The following ERP44 variants were observed in gnomAD, a reference collection of about 807,000 sequenced individuals.
The protein encoded by ERP44 is endoplasmic reticulum resident protein 44.
A neutral mutation model predicts 53.4 loss-of-function variants in ERP44; 25 were observed. The observed-to-expected ratio is 0.47, with a 90% CI of 0.34 to 0.65. The LOEUF (loss-of-function observed/expected upper bound fraction) is 0.65. ERP44 is among the 30% of genes least tolerant of loss of function. ERP44 has a pLI of 0.01. For synonymous variants in ERP44, 145 were observed against 161.2 expected, an observed-to-expected ratio of 0.90 and a Z score of 0.76; for missense variants, 338 against 493.2, an observed-to-expected ratio of 0.69 and a Z score of 2.98.
chr9:100,076,273 C>G (rs1172072654), intron 1 of ERP44, among the ~76,000 whole-genome samples: 5 of 152,196 alleles, frequency 3.3e-5, no homozygotes, highest in Non-Finnish European at 7.3e-5. Context: ...CGATCGGGCT[C>G]AAGCAGGTCC....
intron 10 of ERP44, chr9:99,999,089 TCCCACAGCGGC>T (rs1830348184): frequency 2.9e-6 from 2 of 687,908 alleles, no homozygotes; most frequent in African/African-American, 1.8e-5. Context: ...GCACGGCCGT[TCCCACAGCGGC>T]GGGGCGTGGA....
chr9:100,069,080 T>C (rs1036592862), intron 1 of ERP44, among the ~76,000 whole-genome samples: 4 of 152,032 alleles, frequency 2.6e-5, no homozygotes, highest in Admixed American at 2.6e-4. Flanking sequence ...GTTAAACAGA[T>C]GCTTGAAGGC....
At chr9:100,051,720 T>C (rs1826039940) in intron 4 of ERP44, among the ~76,000 whole-genome samples, 1 of 152,096 alleles carries the variant, frequency 6.6e-6, no homozygotes, top group Non-Finnish European at 1.5e-5. Context: ...AGTTCAAGTA[T>C]AATGGGAACA....
intron 4 of ERP44, 45 bp downstream of exon 4, chr9:100,052,372 T>G: frequency 1.1e-6 from 1 of 943,822 alleles, no homozygotes; most frequent in Non-Finnish European, 1.5e-6. Flanking sequence ...GTGCCTGTGT[T>G]TGGGATGGGA....
intron 1 of ERP44, among the ~76,000 whole-genome samples, chr9:100,083,754 A>G (rs1183520116): frequency 6.6e-6 from 1 of 152,182 alleles, no homozygotes; most frequent in Non-Finnish European, 1.5e-5. Flanking sequence ...GCACTAATAA[A>G]AGCACTAACA....
chr9:100,065,417 C>A (rs143733519), intron 1 of ERP44, among the ~76,000 whole-genome samples: 1 of 152,018 alleles, frequency 6.6e-6, no homozygotes, highest in Non-Finnish European at 1.5e-5. Context: ...AACATATCCC[C>A]GTCATCATGC....
In ERP44 at chr9:99,980,539, C is replaced by CTTT. The variant is rs1830138133; in HGVS notation, c.*2070_*2072dup. ...TCATCCAAGCACTTGAGCTTAGTGA[C>CTTT]TTTTTATAAAATTAGGCACCAAGTC... On this transcript the variant is annotated 3_prime_UTR_variant, in exon 12 of 12. Coordinates refer to ENST00000262455, the MANE Select transcript of ERP44 (RefSeq NM_015051.3). 1 of 152,488 alleles carries CTTT rather than the reference C, an allele frequency of 6.6e-6. No individual in the cohort carries two copies. Among genetic ancestry groups the CTTT allele is most frequent in the Non-Finnish European group, 1.5e-5 (1 of 68,258 alleles). The allele number at this position is 152,488 out of a possible 1,614,324, so 9.4% of individuals were successfully genotyped here.
intron 4 of ERP44, among the ~76,000 whole-genome samples, chr9:100,041,138 A>T (rs1825896403): frequency 6.6e-6 from 1 of 152,188 alleles, no homozygotes; most frequent in Admixed American, 6.5e-5. Context: ...TCACAGAAAT[A>T]GAAAAACAAT....
chr9:99,994,354 G>A (rs1156769648), intron 10 of ERP44, among the ~76,000 whole-genome samples: 1 of 152,164 alleles, frequency 6.6e-6, no homozygotes, highest in Non-Finnish European at 1.5e-5. Flanking sequence ...CCTTTGTAGG[G>A]ATATGGATGA....
rs549738412 is a variant in ERP44, at chr9:99,998,386, C to T, written c.1016+8120G>A. Reference sequence around the variant, plus strand: ...CCCGCTTCCGCCACACGCGAGCTCCCGGATCATACAGCTGCAAGGCCGGCC... The same window carrying T: ...CCCGCTTCCGCCACACGCGAGCTCCTGGATCATACAGCTGCAAGGCCGGCC... On this transcript the variant is annotated intron_variant, in intron 10 of 11. Transcript: ENST00000262455. 8.9e-4 allele frequency: 555 copies of T among 620,408 alleles called. 3 individuals are homozygous for T. The highest frequency in any genetic ancestry group is 8.4e-3 in the African/African-American group (455 of 54,064). The allele number at this position is 620,408 out of a possible 1,614,324, so 38.4% of individuals were successfully genotyped here.
intron 5 of ERP44, 123 bp from the exon 6 acceptor site, chr9:100,020,854 A>G: frequency 1.8e-6 from 1 of 565,622 alleles, no homozygotes; most frequent in Non-Finnish European, 3.1e-6. Flanking sequence ...GTATGACTAT[A>G]AATGCATATT....
At chr9:100,006,824 A>G (rs1318231119) in intron 9 of ERP44, among the ~76,000 whole-genome samples, 177 bp from the exon 10 acceptor site, 1 of 152,232 alleles carries the variant, frequency 6.6e-6, no homozygotes, top group African/African-American at 2.4e-5. Context: ...GTAGGCTTTT[A>G]GTTCTTAGGG....
At chr9:100,038,592 C>A (rs1270751615) in intron 4 of ERP44, among the ~76,000 whole-genome samples, 3 of 151,902 alleles carry the variant, frequency 2.0e-5, no homozygotes, top group Non-Finnish European at 4.4e-5. Flanking sequence ...GAAGAGAAGA[C>A]CACAAAACAA....
At chr9:99,998,731 CTT>C (rs1340519999) in intron 10 of ERP44, 10 of 729,640 alleles carry the variant, frequency 1.4e-5, no homozygotes, top group South Asian at 9.4e-5. Flanking sequence ...TTTTGCATCT[CTT>C]TTCTTTTTTC....
intron 2 of ERP44, among the ~76,000 whole-genome samples, chr9:100,059,627 GC>G (rs1173035979): frequency 6.6e-6 from 1 of 152,140 alleles, no homozygotes; most frequent in Non-Finnish European, 1.5e-5. Context: ...GGTGGTCAAG[GC>G]TGAAGTGAGC....
intron 1 of ERP44, among the ~76,000 whole-genome samples, chr9:100,095,565 T>TA (rs1826617305): frequency 6.6e-6 from 1 of 152,190 alleles, no homozygotes; most frequent in Non-Finnish European, 1.5e-5. Flanking sequence ...TTTTGTTTAA[T>TA]TCTTACCTTT....
intron 10 of ERP44, among the ~76,000 whole-genome samples, chr9:99,988,178 T>C (rs530725714): frequency 6.6e-6 from 1 of 152,346 alleles, no homozygotes; most frequent in Non-Finnish European, 1.5e-5. Context: ...ATACTAATGA[T>C]GTTGAGCACC....
At chr9:100,017,127 CAAAAT>C (rs976277774) in intron 7 of ERP44, among the ~76,000 whole-genome samples, 1 of 152,262 alleles carries the variant, frequency 6.6e-6, no homozygotes, top group African/African-American at 2.4e-5. Context: ...TACATTAACT[CAAAAT>C]CAATTATCTA....
At chr9:100,086,179 G>A (rs1215945697) in intron 1 of ERP44, among the ~76,000 whole-genome samples, 1 of 152,130 alleles carries the variant, frequency 6.6e-6, no homozygotes, top group Non-Finnish European at 1.5e-5. Flanking sequence ...CATAACGCAT[G>A]TTTCCTCACT....
Sources: allele counts gnomAD v4.1 joint callset (sites outside exome capture counted in the v4.1 genomes callset), GRCh38; gene constraint gnomAD v4.1.1; transcripts MANE v1.5; gene names NCBI Gene and HGNC (gene_info 2026-07-23, HGNC 2026-07-21).